AFG2A: variants seen among roughly 807,000 people sequenced by gnomAD.
The protein encoded by AFG2A is AAA ATPase AFG2A, also known as ATPase family gene 2 protein homolog A.
chr4:122,964,871 A>AGAAAT, the AFG2A span, among the ~76,000 whole-genome samples: 1 of 152,224 alleles, frequency 6.6e-6, no homozygotes, highest in African/African-American at 2.4e-5. Flanking sequence ...ATGGGCAGTG[A>AGAAAT]GAAATGAAAC....
chr4:122,936,245 AG>A, the AFG2A span: 1 of 861,262 alleles, frequency 1.2e-6, no homozygotes, highest in Admixed American at 3.0e-5. Flanking sequence ...AAGCATAAAC[AG>A]TAGTACAAAA....
the AFG2A span, among the ~76,000 whole-genome samples, chr4:123,235,665 A>C: frequency 1.1e-3 from 167 of 152,344 alleles, no homozygotes; most frequent in Non-Finnish European, 2.1e-3. Flanking sequence ...AGAGATGTCA[A>C]ATAAATCATT....
At chr4:123,092,742 GCTCAC>G in the AFG2A span, among the ~76,000 whole-genome samples, 1 of 152,174 alleles carries the variant, frequency 6.6e-6, no homozygotes, top group Non-Finnish European at 1.5e-5. Flanking sequence ...TTGTGGCACA[GCTCAC>G]TTGTGATTGG....
the AFG2A span, among the ~76,000 whole-genome samples, chr4:123,070,983 C>T: frequency 2.6e-5 from 4 of 152,118 alleles, no homozygotes; most frequent in Admixed American, 6.5e-5. Flanking sequence ...AAATGGCACA[C>T]GTTTAAAAGC....
the AFG2A span, among the ~76,000 whole-genome samples, chr4:123,239,001 T>A: frequency 6.6e-6 from 1 of 152,230 alleles, no homozygotes; most frequent in South Asian, 2.1e-4. Context: ...AATGACCTGA[T>A]GGAGCTGAAA....
At chr4:123,146,973 C>T in the AFG2A span, among the ~76,000 whole-genome samples, 82 of 152,226 alleles carry the variant, frequency 5.4e-4, no homozygotes, top group Middle Eastern at 0.017. Flanking sequence ...CTTTCACTTC[C>T]AAGTTATTTT....
the AFG2A span, among the ~76,000 whole-genome samples, chr4:123,269,166 A>G: frequency 2.5e-4 from 38 of 152,264 alleles, no homozygotes; most frequent in South Asian, 7.9e-3. Context: ...AGTTCCTGAA[A>G]TACTTTAATA....
At chr4:123,298,905 A>C in the AFG2A span, among the ~76,000 whole-genome samples, 109,833 of 152,070 alleles carry the variant, frequency 0.72, 40,913 homozygotes, top group Non-Finnish European at 0.81. Context: ...ATTTTGTTTC[A>C]GCATGTAAAA....
the AFG2A span, among the ~76,000 whole-genome samples, chr4:123,285,861 T>C: frequency 6.6e-6 from 1 of 152,142 alleles, no homozygotes; most frequent in Admixed American, 6.6e-5. Flanking sequence ...ACCTACCACA[T>C]TAGATTGTTG....
chr4:123,089,220 A>T, the AFG2A span, among the ~76,000 whole-genome samples: 1 of 152,196 alleles, frequency 6.6e-6, no homozygotes, highest in African/African-American at 2.4e-5. Flanking sequence ...TTAACTAAAT[A>T]CTTTAACTTA....
At chr4:123,312,032 A>G in the AFG2A span, among the ~76,000 whole-genome samples, 1 of 152,058 alleles carries the variant, frequency 6.6e-6, no homozygotes, top group African/African-American at 2.4e-5. Context: ...CTCTTTTTCC[A>G]ACCCCCGCCC....
chr4:123,221,979 A>C, the AFG2A span, among the ~76,000 whole-genome samples: 1 of 152,208 alleles, frequency 6.6e-6, no homozygotes, highest in African/African-American at 2.4e-5. Context: ...TTTCTTTTGA[A>C]CAACACTGAT....
At chr4:123,317,275 C>G in the AFG2A span, 4 of 151,086 alleles carry the variant, frequency 2.6e-5, no homozygotes, top group African/African-American at 9.7e-5. Context: ...AGCTTACCTG[C>G]CCATGGCTTT....
At chr4:123,115,256 G>A in the AFG2A span, among the ~76,000 whole-genome samples, 3 of 152,032 alleles carry the variant, frequency 2.0e-5, no homozygotes, top group Non-Finnish European at 4.4e-5. Context: ...GCACCTCTGG[G>A]GCAGATCGCG....
the AFG2A span, among the ~76,000 whole-genome samples, chr4:123,178,770 A>G: frequency 6.6e-6 from 1 of 152,142 alleles, no homozygotes; most frequent in African/African-American, 2.4e-5. Context: ...TTAGCTTGCA[A>G]CCTCTTTTAA....
chr4:123,086,695 A>T, the AFG2A span, among the ~76,000 whole-genome samples: 3 of 148,698 alleles, frequency 2.0e-5, no homozygotes, highest in Non-Finnish European at 3.0e-5. Context: ...TGGTTTTATT[A>T]TTTTTTTTTT....
At chr4:122,960,356 G>A in the AFG2A span, among the ~76,000 whole-genome samples, 3 of 152,152 alleles carry the variant, frequency 2.0e-5, no homozygotes, top group Admixed American at 6.5e-5. Flanking sequence ...CATAAGTTTC[G>A]TAAACTCTGT....
the AFG2A span, among the ~76,000 whole-genome samples, chr4:122,975,057 A>G: frequency 1.3e-5 from 2 of 152,188 alleles, no homozygotes; most frequent in Non-Finnish European, 2.9e-5. Flanking sequence ...AATCGACCCA[A>G]TTTATCATCG....
the AFG2A span, among the ~76,000 whole-genome samples, chr4:123,178,088 CTCTT>C: frequency 5.3e-5 from 8 of 152,244 alleles, no homozygotes; most frequent in East Asian, 1.9e-4. Context: ...AAATACAAGA[CTCTT>C]TCTATAAAGC....
Sources: allele counts gnomAD v4.1 joint callset (sites outside exome capture counted in the v4.1 genomes callset), GRCh38; gene constraint gnomAD v4.1.1; transcripts MANE v1.5; gene names NCBI Gene and HGNC (gene_info 2026-07-23, HGNC 2026-07-21).